NSD1: variants seen among roughly 807,000 people sequenced by gnomAD.
The protein encoded by NSD1 is nuclear receptor binding SET domain protein 1.
A neutral mutation model predicts 242.7 loss-of-function variants in NSD1; 26 were observed. The observed-to-expected ratio is 0.11, with a 90% CI of 0.08 to 0.15. NSD1 has a LOEUF of 0.15. Ranked by LOEUF, NSD1 falls within the 10% of genes least tolerant of loss-of-function variation. NSD1 has a pLI of 1.00. For synonymous variants in NSD1, 1,106 were observed against 1,178.1 expected (o/e 0.94, Z 1.25); for missense variants, 2,495 against 3,272.8 (o/e 0.76, Z 5.80).
At chr5:177,185,852 TTA>T (rs1761118497) in intron 2 of NSD1, among the ~76,000 whole-genome samples, 1 of 87,518 alleles carries the variant, frequency 1.1e-5, no homozygotes, top group African/African-American at 4.9e-5. Context: ...TAAATATATA[TTA>T]TATATTATAT....
At chr5:177,132,789 A>AGGGGAGGGAGAGGGATGG (rs1755964367), upstream of NSD1, among the ~76,000 whole-genome samples, 9 of 101,982 alleles carry the variant, frequency 8.8e-5, no homozygotes, top group South Asian at 2.9e-3. This position sits in a 1 kb window ranked among gnomAD's most constrained non-coding sequence, Gnocchi z 7.5. Flanking sequence ...CGGCCCGGCA[A>AGGGGAGGGAGAGGGATGG]GGGGAGGGAG....
At chr5:177,155,223 A>AG (rs950717914) in intron 2 of NSD1, among the ~76,000 whole-genome samples, 1 of 152,094 alleles carries the variant, frequency 6.6e-6, no homozygotes, top group African/African-American at 2.4e-5. Flanking sequence ...TCCCTACCTC[A>AG]GGGGATCCGC....
intron 20 of NSD1, among the ~76,000 whole-genome samples, chr5:177,286,346 C>T (rs1759328489): frequency 6.6e-6 from 1 of 152,152 alleles, no homozygotes; most frequent in South Asian, 2.1e-4. Flanking sequence ...CATGATGACA[C>T]CAAGGACACT....
chr5:177,267,489 A>ATG, intron 14 of NSD1, 73 bp from the exon 15 acceptor site: 1 of 1,174,842 alleles, frequency 8.5e-7, no homozygotes, highest in Non-Finnish European at 1.3e-6. Flanking sequence ...ATATATATAT[A>ATG]TATGTGTATG....
chr5:177,197,402 C>T (rs1203022407), intron 3 of NSD1, among the ~76,000 whole-genome samples: 2 of 152,218 alleles, frequency 1.3e-5, no homozygotes, highest in Non-Finnish European at 2.9e-5. Flanking sequence ...GCAGGCGGAT[C>T]ACAAGGTCAG....
At chr5:177,148,851 C>T (rs1179536367) in intron 2 of NSD1, among the ~76,000 whole-genome samples, 1 of 152,144 alleles carries the variant, frequency 6.6e-6, no homozygotes. Flanking sequence ...CGGAGTCTCG[C>T]CCTGTTGCCC....
Position 177,266,415 on chromosome 5 carries a change from C to G in NSD1, c.5147-1147C>G. The stretch of plus-strand genomic sequence containing the variant: ...TGCTTGTGTCCGAGCCCACATCCAG[C>G]ACCACCTTGTCTTTAAAGAGGTGGC... On this transcript the variant is annotated intron_variant, in intron 14 of 22. Coordinates refer to ENST00000439151, the MANE Select transcript of NSD1 (RefSeq NM_022455.5). 4.7e-6 allele frequency: 3 copies of G among 633,698 alleles called. No individual in the cohort carries two copies. The Admixed American group carries it at 6.4e-5, about 14-fold the overall frequency. 39.3% of individuals were successfully genotyped at this position (633,698 alleles called of 1,614,324 possible). A position where few individuals can be genotyped will look rare whatever the true frequency, so the allele number is the denominator to read the frequency against.
intron 4 of NSD1, among the ~76,000 whole-genome samples, chr5:177,206,690 G>A (rs1762891776): frequency 6.6e-6 from 1 of 152,146 alleles, no homozygotes; most frequent in Non-Finnish European, 1.5e-5. Flanking sequence ...CTTCCTTTCA[G>A]ATATTTCAGC....
At chr5:177,265,943 C>T in intron 14 of NSD1, 3 of 1,278,628 alleles carry the variant, frequency 2.3e-6, no homozygotes, top group Non-Finnish European at 3.4e-6. Context: ...CTTTATGAGG[C>T]AGGCGTTGGT....
intron 3 of NSD1, among the ~76,000 whole-genome samples, chr5:177,201,824 G>T (rs1331479732): frequency 6.6e-6 from 1 of 151,490 alleles, no homozygotes; most frequent in South Asian, 2.1e-4. Flanking sequence ...CTCCCAAAGG[G>T]CTGGGATTAC....
Position 177,294,946 on chromosome 5 carries a change from C to G in NSD1, c.7578C>G (p.Pro2526=). Residue 2526 remains proline (P), a synonymous_variant, in exon 23 of 23, where the codon CCC becomes CCG. Transcript: ENST00000439151. ...AAGCAGCAGCCCCTTCAGAGGACCC[C>G]TGGCAAGCTGTTAAATCACTCACCC... ...SGKAAAPSED[P]WQAVKSLTQA... is the part of the protein sequence containing the mutation. The G allele has an allele frequency of 6.2e-7, 1 of 1,614,236 alleles. No homozygotes were observed. The highest frequency in any genetic ancestry group is 8.5e-7 in the Non-Finnish European group (1 of 1,180,038).
intron 19 of NSD1, among the ~76,000 whole-genome samples, chr5:177,283,218 T>G (rs1759038640): frequency 2.0e-5 from 3 of 152,314 alleles, no homozygotes; most frequent in Middle Eastern, 3.4e-3. Context: ...ACTCCCAAAG[T>G]GCTGGGATTA....
At chr5:177,207,935 TGTGTTTTTA>T (rs542806791) in intron 4 of NSD1, among the ~76,000 whole-genome samples, 1 of 151,730 alleles carries the variant, frequency 6.6e-6, no homozygotes, top group South Asian at 2.1e-4. Flanking sequence ...TGTGTGTGTG[TGTGTTTTTA>T]GTAGAGACAG....
chr5:177,194,384 TGAATAGCTG>T (rs530004456), intron 3 of NSD1, among the ~76,000 whole-genome samples: 50 of 151,218 alleles, frequency 3.3e-4, no homozygotes, highest in Middle Eastern at 3.4e-3. Context: ...CTCAGCATCC[TGAATAGCTG>T]GAATAGCTGG....
At chr5:177,136,781 C>T in intron 2 of NSD1, 2 of 577,124 alleles carry the variant, frequency 3.5e-6, no homozygotes, top group Non-Finnish European at 6.2e-6. Flanking sequence ...ACCATTAGCT[C>T]TTGAAGTTTT....
chr5:177,234,967 G>GT (rs1349373418), intron 5 of NSD1, among the ~76,000 whole-genome samples: 3 of 152,182 alleles, frequency 2.0e-5, no homozygotes, highest in East Asian at 1.9e-4. Context: ...TGTTATTACT[G>GT]TTTTTTTATC....
At chr5:177,231,068 A>T (rs1233618370) in intron 5 of NSD1, among the ~76,000 whole-genome samples, 1 of 152,114 alleles carries the variant, frequency 6.6e-6, no homozygotes, top group Non-Finnish European at 1.5e-5. Flanking sequence ...AACTAATAAG[A>T]TGGGTTTGTG....
rs60761205 is a variant in NSD1 at position 177,267,268 on chromosome 5, T to C, written c.5147-294T>C. On this transcript the variant is annotated intron_variant, in intron 14 of 22. Coordinates refer to ENST00000439151, the MANE Select transcript of NSD1 (RefSeq NM_022455.5). ...AGCTAGGTGAATCTTCAAACAGATG[T>C]GGTTATTGTTTATTAGAGAAAACTC... is the stretch of plus-strand genomic sequence containing the variant. Among the ~76,000 whole-genome samples the C allele has an allele frequency of 0.044, 6,770 of 152,264 alleles. 502 individuals are homozygous for C. Among genetic ancestry groups the C allele is most frequent in the African/African-American group, 0.16 (6,457 of 41,518 alleles).
intron 20 of NSD1, among the ~76,000 whole-genome samples, chr5:177,284,245 G>A (rs1198440108): frequency 2.0e-5 from 3 of 152,076 alleles, no homozygotes; most frequent in African/African-American, 7.2e-5. Context: ...GACAATATTT[G>A]TCCTTTTCTG....
Sources: allele counts gnomAD v4.1 joint callset (sites outside exome capture counted in the v4.1 genomes callset), GRCh38; gene constraint gnomAD v4.1.1; non-coding constraint Gnocchi (gnomAD v3.1); transcripts MANE v1.5; gene names NCBI Gene and HGNC (gene_info 2026-07-23, HGNC 2026-07-21).